Variants in MOXD1 observed in about 807,000 individuals in gnomAD.
The protein encoded by MOXD1 is DBH-like monooxygenase protein 1.
In MOXD1, 62 loss-of-function variants were observed where a neutral mutation model predicts 66.6. The ratio of observed to expected loss-of-function variants is 0.93; its 90% confidence interval spans 0.76 to 1.15. The LOEUF (loss-of-function observed/expected upper bound fraction) is 1.15, where lower values mean the gene tolerates loss of function less well. Ranked by LOEUF, MOXD1 falls within the 50% of genes most tolerant of loss-of-function variation. The pLI is 0.00. For missense variants in MOXD1, 847 were observed against 754.6 expected, an observed-to-expected ratio of 1.12 and a Z score of -1.44; for synonymous variants, 303 against 281.9, an observed-to-expected ratio of 1.07 and a Z score of -0.75.
At chr6:132,394,625 A>C (rs1305031718) in intron 1 of MOXD1, among the ~76,000 whole-genome samples, 1 of 82,580 alleles carries the variant, frequency 1.2e-5, no homozygotes, top group Non-Finnish European at 2.0e-5. Flanking sequence ...ATGTCATAAA[A>C]AAAGAGACCA....
intron 4 of MOXD1, among the ~76,000 whole-genome samples, chr6:132,362,002 G>A (rs967327409): frequency 3.9e-5 from 6 of 152,040 alleles, no homozygotes; most frequent in Admixed American, 1.3e-4. Context: ...TATCAAAAGT[G>A]AGTTTCCACA....
chr6:132,372,712 G>A (rs898384678), intron 3 of MOXD1, 21 bp from the exon 4 acceptor site: 9 of 1,610,152 alleles, frequency 5.6e-6, no homozygotes, highest in Non-Finnish European at 5.9e-6. Context: ...AAAAAGGGGA[G>A]GAAGACACAA....
chr6:132,303,835 GTATATATA>G lies in MOXD1; in HGVS notation c.1509-5888_1509-5881del, dbSNP rs1158339059. Among the ~76,000 whole-genome samples the G allele has an allele frequency of 5.1e-3, 241 of 47,514 alleles. 2 individuals carry two copies. Among genetic ancestry groups the G allele is most frequent in the Middle Eastern group, 0.015 (1 of 68 alleles). 31.2% of individuals were successfully genotyped at this position (47,514 alleles called of 152,430 possible). A position where few individuals can be genotyped will look rare whatever the true frequency, so the allele number is the denominator to read the frequency against. ...TGTGTGTGTGTGTGTGTGTGTGTGTGTATATATATATATATATATATATATATATATAT... is the reference window on the plus strand; with the variant it reads ...TGTGTGTGTGTGTGTGTGTGTGTGTGTATATATATATATATATATATATAT... On this transcript the variant is annotated intron_variant, in intron 10 of 11. Transcript: ENST00000367963.
chr6:132,384,277 C>CCTCCTTCCTTCCTCCCTCCCTCT, intron 1 of MOXD1, among the ~76,000 whole-genome samples: 1 of 102,896 alleles, frequency 9.7e-6, no homozygotes, highest in South Asian at 4.3e-4. Flanking sequence ...TTCCTTCCTT[C>CCTCCTTCCTTCCTCCCTCCCTCT]CTTCCTTCCT....
At chr6:132,349,422 C>CATATAT (rs1298306384) in intron 4 of MOXD1, among the ~76,000 whole-genome samples, 2 of 36,946 alleles carry the variant, frequency 5.4e-5, no homozygotes, top group African/African-American at 2.3e-4. Flanking sequence ...TATATATATA[C>CATATAT]ATATATATAT....
intron 4 of MOXD1, among the ~76,000 whole-genome samples, chr6:132,360,918 C>G (rs57403147): frequency 2.0e-5 from 3 of 152,186 alleles, no homozygotes; most frequent in African/African-American, 7.2e-5. Flanking sequence ...TACCATAAAC[C>G]AAAGTGTCTC....
chr6:132,366,958 A>G (rs910097097), intron 4 of MOXD1, among the ~76,000 whole-genome samples: 1 of 152,098 alleles, frequency 6.6e-6, no homozygotes, highest in Non-Finnish European at 1.5e-5. Context: ...ACACTCCCCA[A>G]ATGAAATCAT....
At position 132,378,875 on chromosome 6, in the gene MOXD1, C is replaced by CTTTTTTTTTTTTTTT. The variant is rs3038136; in HGVS notation, c.265-4113_265-4099dup. Among the ~76,000 whole-genome samples, 7 of 41,914 alleles carry CTTTTTTTTTTTTTTT rather than the reference C, an allele frequency of 1.7e-4. 3 individuals are homozygous for CTTTTTTTTTTTTTTT. Among genetic ancestry groups the CTTTTTTTTTTTTTTT allele is most frequent in the Non-Finnish European group, 4.4e-4 (7 of 15,744 alleles). 27.5% of individuals were successfully genotyped at this position (41,914 alleles called of 152,430 possible). A position where few individuals can be genotyped will look rare whatever the true frequency, so the allele number is the denominator to read the frequency against. On this transcript the variant is annotated intron_variant, in intron 1 of 11. Transcript: ENST00000367963. ...AATGAAAGAGGACAGAACACTTCCT[C>CTTTTTTTTTTTTTTT]TTTTTTTTTTTTTTTTTTTTTTTTT...
Position 132,328,419 on chromosome 6 carries a change from C to T in MOXD1, c.839G>A (p.Gly280Glu). The change falls in exon 5 of 12, where the codon GGA (glycine) becomes GAA (glutamate). Residue 280 changes from glycine (G) to glutamate (E), a missense_variant. Gly to Glu is a moderately conservative substitution (Grantham distance 98, BLOSUM62 -2). Coordinates refer to ENST00000367963, the MANE Select transcript of MOXD1 (RefSeq NM_015529.4). ...CTCAGTAATCATTAGCCCCACCTCTCCACCAATAGCCCAGGCAAAAATCAC... is the reference window on the plus strand; with the variant it reads ...CTCAGTAATCATTAGCCCCACCTCTTCACCAATAGCCCAGGCAAAAATCAC... ...ETVIFAWAIG[G>E]EGFSYPPHVG... 1 of 1,614,064 alleles carries T rather than the reference C, an allele frequency of 6.2e-7. No homozygotes were observed.
rs569469099 is a variant in MOXD1 at position 132,297,409 on chromosome 6, A to G, written c.1678-92T>C. 1.4e-5 allele frequency: 18 copies of G among 1,331,308 alleles called. No individual in the cohort carries two copies. The East Asian group carries it at 3.7e-4, about 27-fold the overall frequency. The allele number at this position is 1,331,308 out of a possible 1,614,324, so 82.5% of individuals were successfully genotyped here. A position where few individuals can be genotyped will look rare whatever the true frequency, so the allele number is the denominator to read the frequency against. Reference sequence around the variant, plus strand: ...TCAGCTGCCCACACTTCTGCAGGGGATAAAGGGGGCAGGAGTGGTTACCAA... The same window carrying G: ...TCAGCTGCCCACACTTCTGCAGGGGGTAAAGGGGGCAGGAGTGGTTACCAA... On this transcript the variant is annotated intron_variant, in intron 11 of 11. Coordinates refer to ENST00000367963, the MANE Select transcript of MOXD1 (RefSeq NM_015529.4).
chr6:132,331,858 T>C (rs1775326317), intron 4 of MOXD1, among the ~76,000 whole-genome samples: 1 of 152,088 alleles, frequency 6.6e-6, no homozygotes, highest in Non-Finnish European at 1.5e-5. Flanking sequence ...TGGAAGTTGC[T>C]GCCGGTGGGA....
chr6:132,352,816 T>C (rs1370055682), intron 4 of MOXD1, among the ~76,000 whole-genome samples: 2 of 152,206 alleles, frequency 1.3e-5, no homozygotes, highest in African/African-American at 2.4e-5. Flanking sequence ...AGAGCTCCAA[T>C]GTTACGTGCA....
chr6:132,372,052 G>T (rs757061105), intron 4 of MOXD1, among the ~76,000 whole-genome samples: 3 of 152,102 alleles, frequency 2.0e-5, no homozygotes, highest in Non-Finnish European at 4.4e-5. Flanking sequence ...AGTTCTGGGA[G>T]GCCCATTCCA....
intron 6 of MOXD1, among the ~76,000 whole-genome samples, chr6:132,324,477 T>A (rs1004031169): frequency 6.6e-5 from 10 of 152,372 alleles, no homozygotes; most frequent in Admixed American, 6.5e-4. Flanking sequence ...TATTTTATAT[T>A]GTTTCGAGAT....
chr6:132,323,792 A>G (rs993124101), intron 7 of MOXD1, 139 bp downstream of exon 7: 1 of 905,120 alleles, frequency 1.1e-6, no homozygotes, highest in South Asian at 2.5e-5. Context: ...CAAAAGTCCT[A>G]CTAAAATTGC....
chr6:132,351,313 C>T (rs1401585282), intron 4 of MOXD1, among the ~76,000 whole-genome samples: 1 of 151,982 alleles, frequency 6.6e-6, no homozygotes, highest in Non-Finnish European at 1.5e-5. Context: ...GAGGTATGTT[C>T]CTTGTATGCC....
rs559939825 is a variant in MOXD1, at chr6:132,329,754, AAAC to A, written c.664-1163_664-1161del. On this transcript the variant is annotated intron_variant, in intron 4 of 11. Coordinates refer to ENST00000367963, the MANE Select transcript of MOXD1 (RefSeq NM_015529.4). ...TCCTAAGAAAAAAAATCCACCCATG[AAAC>A]AACAAGGAAACTTACTGCAAGTTTC... is the stretch of plus-strand genomic sequence containing the variant. 2.6e-3 allele frequency among the ~76,000 whole-genome samples: 403 copies of A among 152,278 alleles called. 2 individuals are homozygous for A. The highest frequency in any genetic ancestry group is 9.1e-3 in the African/African-American group (378 of 41,558).
intron 10 of MOXD1, among the ~76,000 whole-genome samples, chr6:132,303,479 C>T (rs942517129): frequency 4.6e-5 from 7 of 151,906 alleles, no homozygotes; most frequent in African/African-American, 1.7e-4. Context: ...TGCACATGCT[C>T]CTAGCTACTT....
chr6:132,334,541 C>T (rs1035404333), intron 4 of MOXD1, among the ~76,000 whole-genome samples: 2 of 152,194 alleles, frequency 1.3e-5, no homozygotes, highest in South Asian at 2.1e-4. Context: ...TACAAGTATT[C>T]GCATGAGACT....
Sources: allele counts gnomAD v4.1 joint callset (sites outside exome capture counted in the v4.1 genomes callset), GRCh38; gene constraint gnomAD v4.1.1; transcripts MANE v1.5; gene names NCBI Gene and HGNC (gene_info 2026-07-23, HGNC 2026-07-21).